TRIML2: variants seen among roughly 807,000 people sequenced by gnomAD.
TRIML2 encodes the protein probable E3 ubiquitin-protein ligase TRIML2.
A neutral mutation model predicts 31.2 loss-of-function variants in TRIML2; 28 were observed. The observed-to-expected ratio is 0.90, with a 90% CI of 0.66 to 1.23. The LOEUF is 1.23. Ranked by LOEUF, TRIML2 falls within the 50% of genes most tolerant of loss-of-function variation. The probability of loss-of-function intolerance (pLI) is 0.00; values close to 1 mark genes in which losing one functional copy is unlikely to be tolerated. For synonymous variants in TRIML2, 187 were observed against 197.5 expected (o/e 0.95, Z 0.45); for missense variants, 536 against 528.3 (o/e 1.01, Z -0.14).
chr4:188,095,627 G>T (rs1166178420), intron 7 of TRIML2, among the ~76,000 whole-genome samples: 1 of 152,160 alleles, frequency 6.6e-6, no homozygotes, highest in African/African-American at 2.4e-5. Context: ...AGAATACAGA[G>T]TAACTGAATC....
chr4:188,105,150 T>A, intron 2 of TRIML2, 30 bp downstream of exon 2: 1 of 1,586,498 alleles, frequency 6.3e-7, no homozygotes, highest in African/African-American at 1.3e-5. Context: ...TTGGCCAGAG[T>A]GTTTTGGGAT....
At chr4:188,108,953 G>A (rs1734140532) in intron 1 of TRIML2, among the ~76,000 whole-genome samples, 1 of 152,042 alleles carries the variant, frequency 6.6e-6, no homozygotes, top group South Asian at 2.1e-4. Context: ...TGACATACTC[G>A]ATGCACAATA....
rs1733987366 is a variant in TRIML2 at position 188,105,458 on chromosome 4, T to A, written c.-90A>T. 2.0e-6 allele frequency: 2 copies of A among 1,010,998 alleles called. No homozygotes were observed. The allele number at this position is 1,010,998 out of a possible 1,614,324, so 62.6% of individuals were successfully genotyped here. A position where few individuals can be genotyped will look rare whatever the true frequency, so the allele number is the denominator to read the frequency against. On this transcript the variant is annotated 5_prime_UTR_variant, in exon 2 of 8. In the 5' UTR this introduces an upstream ATG that the reference lacks. Coordinates refer to ENST00000682553, the MANE Select transcript of TRIML2 (RefSeq NM_173553.4). The stretch of plus-strand genomic sequence containing the variant: ...TGAATGAGAAAAAATGGTGGCTTCC[T>A]TTGTTTTCTGGAGCAGGCACACACA...
chr4:188,103,076 C>G (rs62352741), intron 3 of TRIML2, among the ~76,000 whole-genome samples: 3,724 of 144,758 alleles, frequency 0.026, 69 homozygotes, highest in East Asian at 0.056. Context: ...GCAGTGGCGC[C>G]ATCTCGGCTC....
intron 1 of TRIML2, chr4:188,106,895 G>A: frequency 3.8e-6 from 1 of 260,880 alleles, no homozygotes. Context: ...CCCATCTTTG[G>A]CAAGAAGAAG....
intron 3 of TRIML2, among the ~76,000 whole-genome samples, chr4:188,102,805 C>A (rs1294408815): frequency 6.8e-6 from 1 of 147,826 alleles, no homozygotes; most frequent in Admixed American, 6.8e-5. Context: ...GCCGAGATCG[C>A]GTCACTGAAC....
chr4:188,094,006 G>A (rs770827923), intron 7 of TRIML2, among the ~76,000 whole-genome samples: 2 of 151,576 alleles, frequency 1.3e-5, no homozygotes, highest in South Asian at 2.1e-4. Flanking sequence ...CAGGAGAATC[G>A]TTTGAATCTG....
Position 188,091,429 on chromosome 4 carries a change from C to T in TRIML2, c.1258G>A (p.Asp420Asn). The T allele has an allele frequency of 1.2e-6, 2 of 1,614,166 alleles. No homozygotes were observed. The highest frequency in any genetic ancestry group is 1.7e-6 in the Non-Finnish European group (2 of 1,180,050). ...LCIPNGDTSP[D>N]SLTILQHGPS... ...CCATGTTGTAAGATGGTGAGGGAGT[C>T]TGGACTTGTGTCTCCATTTGGGATA... Residue 420 changes from aspartate to asparagine, a missense_variant, in exon 8 of 8, where the codon GAC becomes AAC. Coordinates refer to ENST00000682553, the MANE Select transcript of TRIML2 (RefSeq NM_173553.4).
At position 188,097,046 on chromosome 4, in the gene TRIML2, CAT is replaced by C. The variant is rs774217569; in HGVS notation, c.745+13_745+14del. 7.0e-6 allele frequency: 11 copies of C among 1,561,940 alleles called. No individual in the cohort carries two copies. The Admixed American group carries it at 8.4e-5, about 12-fold the overall frequency. On this transcript the variant is annotated intron_variant, in intron 7 of 7. Coordinates refer to ENST00000682553, the MANE Select transcript of TRIML2 (RefSeq NM_173553.4). ...CAGAACAGTGCCCTGTGAGTATTCA[CAT>C]GTGTCAACTTACTCTGGAGTACTCT...
In TRIML2 at chr4:188,091,437, G is replaced by A; in HGVS notation, c.1250C>T (p.Thr417Ile). 1 of 1,614,212 alleles carries A rather than the reference G, an allele frequency of 6.2e-7. No individual in the cohort carries two copies. Among genetic ancestry groups the A allele is most frequent in the Non-Finnish European group, 8.5e-7 (1 of 1,180,046 alleles). ...TAAGATGGTGAGGGAGTCTGGACTT[G>A]TGTCTCCATTTGGGATACAGAGGGA... Reference protein sequence around the residue: ...VFSLCIPNGDTSPDSLTILQH... With the variant: ...VFSLCIPNGDISPDSLTILQH... Residue 417 changes from threonine (T) to isoleucine (I), a missense_variant, in exon 8 of 8, where the codon ACA becomes ATA. Coordinates refer to ENST00000682553, the MANE Select transcript of TRIML2 (RefSeq NM_173553.4).
rs747850727 is a variant in TRIML2, at chr4:188,091,947, A to T, written c.746-6T>A. On this transcript the variant is annotated splice_region_variant and splice_polypyrimidine_tract_variant and intron_variant, in intron 7 of 7. Coordinates refer to ENST00000682553, the MANE Select transcript of TRIML2 (RefSeq NM_173553.4). ...AGGATCCAATGTTAAATGTCCTATCAGGAGAGAAAACCCTCGTTAACCTAG... is the reference window on the plus strand; with the variant it reads ...AGGATCCAATGTTAAATGTCCTATCTGGAGAGAAAACCCTCGTTAACCTAG... 4 of 1,601,774 alleles carry T rather than the reference A, an allele frequency of 2.5e-6. No homozygotes were observed. In the African/African-American group the frequency reaches 4.0e-5, roughly 16 times the overall value.
rs1215153340 is a variant in TRIML2 at position 188,091,775 on chromosome 4, G to A, written c.912C>T (p.His304=). 3 of 1,614,098 alleles carry A rather than the reference G, an allele frequency of 1.9e-6. No homozygotes were observed. ...LAAESFTSGR[H]YWEVDVEKAT... ...CCTTTTCCACGTCCACCTCCCAGTA[G>A]TGCCTCCCTGAGGTGAAGCTCTCCG... The change falls in exon 8 of 8, where the codon CAC becomes CAT. Residue 304 remains histidine, a synonymous_variant. Transcript: ENST00000682553.
intron 7 of TRIML2, 87 bp downstream of exon 7, chr4:188,096,974 G>A: frequency 9.6e-7 from 1 of 1,044,402 alleles, no homozygotes; most frequent in Non-Finnish European, 1.5e-6. Context: ...TTAAACTACT[G>A]GAATTTGTTT....
At position 188,107,537 on chromosome 4, in the gene TRIML2, G is replaced by C. The variant is rs111523852; in HGVS notation, c.-223+1706C>G. Among the ~76,000 whole-genome samples, 1,371 of 152,220 alleles carry C rather than the reference G, an allele frequency of 9.0e-3. 23 individuals carry two copies. Among genetic ancestry groups the C allele is most frequent in the African/African-American group, 0.032 (1,317 of 41,542 alleles). On this transcript the variant is annotated intron_variant, in intron 1 of 7. Transcript: ENST00000682553. ...TCCATAATTTTGATATGTTTTGTCA[G>C]TTTCCCAAGCACAAAAGTTGTACAA...
intron 5 of TRIML2, chr4:188,098,258 G>T: frequency 2.2e-6 from 1 of 455,608 alleles, no homozygotes; most frequent in Non-Finnish European, 4.4e-6. Flanking sequence ...AGTTCTGGAG[G>T]CCGAATTTCA....
chr4:188,097,448 T>C, intron 5 of TRIML2, 102 bp from the exon 6 acceptor site: 1 of 1,097,680 alleles, frequency 9.1e-7, no homozygotes, highest in Non-Finnish European at 1.4e-6. Flanking sequence ...AATTTCCATG[T>C]CATTTCTTCA....
intron 7 of TRIML2, among the ~76,000 whole-genome samples, chr4:188,096,459 G>A (rs1462975372): frequency 7.1e-6 from 1 of 141,680 alleles, no homozygotes; most frequent in African/African-American, 2.6e-5. Flanking sequence ...TTGAACCCAG[G>A]AGGGGGAGGT....
intron 1 of TRIML2, among the ~76,000 whole-genome samples, chr4:188,107,181 A>AT (rs1409522118): frequency 2.6e-5 from 4 of 151,754 alleles, no homozygotes; most frequent in Admixed American, 2.0e-4. Flanking sequence ...CACCCAGCTA[A>AT]TTTTTTGTAT....
intron 1 of TRIML2, among the ~76,000 whole-genome samples, chr4:188,107,715 A>G (rs1734099291): frequency 6.6e-6 from 1 of 152,064 alleles, no homozygotes; most frequent in South Asian, 2.1e-4. Context: ...CTAAAAAACC[A>G]TTTTCACTTC....
Sources: allele counts gnomAD v4.1 joint callset (sites outside exome capture counted in the v4.1 genomes callset), GRCh38; gene constraint gnomAD v4.1.1; transcripts MANE v1.5; gene names NCBI Gene and HGNC (gene_info 2026-07-23, HGNC 2026-07-21).